Variants in CELSR1 observed in about 807,000 individuals in gnomAD.
The protein encoded by CELSR1 is cadherin EGF LAG seven-pass G-type receptor 1.
Under a neutral mutation model 249.1 loss-of-function variants are expected in CELSR1, and 110 were observed. That is an observed-to-expected ratio of 0.44 (90% CI 0.38 to 0.52). The LOEUF is 0.52. CELSR1 is among the 20% of genes least tolerant of loss of function. The pLI, the probability that CELSR1 is intolerant of heterozygous loss-of-function variation, is 0.00. For missense variants in CELSR1, 4,109 were observed against 4,296.4 expected (o/e 0.96, Z 1.22); for synonymous variants, 2,113 against 1,900.0 (o/e 1.11, Z -2.92).
chr22:46,417,038 T>C lies in CELSR1; in HGVS notation c.4612-5279A>G, dbSNP rs913877958. 3.3e-5 allele frequency among the ~76,000 whole-genome samples: 5 copies of C among 152,116 alleles called. No individual in the cohort carries two copies. The highest frequency in any genetic ancestry group is 4.8e-5 in the African/African-American group (2 of 41,406). On this transcript the variant is annotated intron_variant, in intron 5 of 34. Transcript: ENST00000674500. The surrounding 1 kb of genome is among the most constrained non-coding windows in gnomAD (Gnocchi z 4.1). ...ATTCATGCTCTGTGTCAGAAATGAT[T>C]AACCAACGTTCATATCAAAGAATTC...
chr22:46,366,592 C>A, intron 29 of CELSR1, 112 bp from the exon 30 acceptor site: 1 of 856,772 alleles, frequency 1.2e-6, no homozygotes, highest in Non-Finnish European at 1.9e-6. Flanking sequence ...CTGGCTGGGC[C>A]CCTGCCTGGC....
Position 46,393,832 on chromosome 22 carries a change from G to A in CELSR1, c.5964+310C>T, listed in dbSNP as rs2079120244. ...ATGAGCCAGCCCTCAGAAACGGGTG[G>A]GCTTCCCACAGCCATGGGCAGTAGG... On this transcript the variant is annotated intron_variant, in intron 14 of 34. Transcript: ENST00000674500. The surrounding 1 kb of genome is among the most constrained non-coding windows in gnomAD (Gnocchi z 4.1). 6.6e-6 allele frequency among the ~76,000 whole-genome samples: 1 copy of A among 152,242 alleles called. No individual in the cohort carries two copies. Among genetic ancestry groups the A allele is most frequent in the South Asian group, 2.1e-4 (1 of 4,836 alleles).
rs751099927 is a variant in CELSR1 at position 46,533,662 on chromosome 22, C to T, written c.3509G>A (p.Arg1170Gln). Residue 1170 changes from arginine (R) to glutamine (Q), a missense_variant, in exon 1 of 35, where the codon CGG becomes CAG. Physicochemically the swap from Arg to Gln is conservative, Grantham distance 43. Transcript: ENST00000674500. ...LQLSRDLDNNRPLEALMEVSV... is the reference protein window; with the variant it reads ...LQLSRDLDNNQPLEALMEVSV... ...CACCTCCATGAGCGCCTCCAGCGGC[C>T]GGTTGTTGTCCAGGTCGCGGCTGAG... The T allele has an allele frequency of 3.8e-6, 6 of 1,598,724 alleles. No individual in the cohort carries two copies. Among genetic ancestry groups the T allele is most frequent in the South Asian group, 1.1e-5 (1 of 89,854 alleles).
At chr22:46,435,123 A>G (rs1569160205) in intron 4 of CELSR1, among the ~76,000 whole-genome samples, 1 of 151,658 alleles carries the variant, frequency 6.6e-6, no homozygotes. Context: ...TTGTCGATAT[A>G]TTTTTTTTAA....
intron 1 of CELSR1, among the ~76,000 whole-genome samples, chr22:46,515,244 G>T (rs1383898770): frequency 6.6e-6 from 1 of 152,200 alleles, no homozygotes; most frequent in African/African-American, 2.4e-5. Flanking sequence ...CCAGCCCACA[G>T]CCAGGCAAGT....
chr22:46,468,782 A>T lies in CELSR1; in HGVS notation c.3545-4437T>A, dbSNP rs2080124449. Among the ~76,000 whole-genome samples, 2 of 152,282 alleles carry T rather than the reference A, an allele frequency of 1.3e-5. No homozygotes were observed. The highest frequency in any genetic ancestry group is 3.4e-3 in the Middle Eastern group (1 of 294). On this transcript the variant is annotated intron_variant, in intron 1 of 34. Transcript: ENST00000674500. The surrounding 1 kb of genome is among the most constrained non-coding windows in gnomAD (Gnocchi z 4.5). ...TATGTGTATTTTACCACAATTACAA[A>T]TTTTTTTAATAGGCCAGTCTCAGTG...
chr22:46,459,238 AG>A (rs1360511055), intron 2 of CELSR1, among the ~76,000 whole-genome samples: 1 of 151,994 alleles, frequency 6.6e-6, no homozygotes, highest in East Asian at 1.9e-4. Context: ...AATTAGGGAG[AG>A]CAGACACCAA....
In CELSR1 at chr22:46,390,372, C is replaced by T. The variant is rs756472118; in HGVS notation, c.6345+20G>A. ...CACACACGTGCCCCTGCTGAACACA[C>T]ATCCCCGAGGCGCCCCTACCATGGC... On this transcript the variant is annotated intron_variant, in intron 17 of 34. Coordinates refer to ENST00000674500, the MANE Select transcript of CELSR1 (RefSeq NM_001378328.1). This position sits in a 1 kb window ranked among gnomAD's most constrained non-coding sequence, Gnocchi z 6.3. The T allele has an allele frequency of 5.0e-6, 8 of 1,594,490 alleles. No homozygotes were observed. The highest frequency in any genetic ancestry group is 4.0e-5 in the African/African-American group (3 of 74,188).
intron 4 of CELSR1, among the ~76,000 whole-genome samples, chr22:46,435,279 A>AT (rs887443508): frequency 0.04 from 4,379 of 108,318 alleles, 131 homozygotes; most frequent in African/African-American, 0.077. Flanking sequence ...AAAAAAAAAA[A>AT]TTTTTTTTTT....
Position 46,363,360 on chromosome 22 carries a change from G to A in CELSR1, c.9036-113C>T, listed in dbSNP as rs1054622593. 5.9e-6 allele frequency: 5 copies of A among 847,068 alleles called. No individual in the cohort carries two copies. The highest frequency in any genetic ancestry group is 9.2e-6 in the Non-Finnish European group (5 of 543,028). The allele number at this position is 847,068 out of a possible 1,614,324, so 52.5% of individuals were successfully genotyped here. ...GGATCACCCCATCAGGGTAGAGGGG[G>A]CGTCTGGGGGCTCCAGGGAGGGCAA... On this transcript the variant is annotated intron_variant, in intron 34 of 34. Coordinates refer to ENST00000674500, the MANE Select transcript of CELSR1 (RefSeq NM_001378328.1). The surrounding 1 kb of genome is among the most constrained non-coding windows in gnomAD (Gnocchi z 4.3).
intron 20 of CELSR1, among the ~76,000 whole-genome samples, chr22:46,383,084 G>A (rs1457115626): frequency 6.6e-6 from 1 of 152,168 alleles, no homozygotes; most frequent in Non-Finnish European, 1.5e-5. Context: ...GGATCCCCCA[G>A]GAATGGCTTG....
Position 46,448,479 on chromosome 22 carries a change from G to C in CELSR1, c.4184-9068C>G, listed in dbSNP as rs1434072935. 2.6e-6 allele frequency: 1 copy of C among 378,506 alleles called. No homozygotes were observed. Among genetic ancestry groups the C allele is most frequent in the Non-Finnish European group, 5.2e-6 (1 of 192,788 alleles). The allele number at this position is 378,506 out of a possible 1,614,324, so 23.4% of individuals were successfully genotyped here. On this transcript the variant is annotated intron_variant, in intron 2 of 34. Transcript: ENST00000674500. This position sits in a 1 kb window ranked among gnomAD's most constrained non-coding sequence, Gnocchi z 5.7. ...GGAGGGCTGGGAACGCGCTGGGAAC[G>C]TGCCCCAGGAGGGGAAGGGCGTGTA...
At chr22:46,369,885 G>C (rs773597371) in intron 25 of CELSR1, 81 bp from the exon 26 acceptor site, 2 of 1,173,874 alleles carry the variant, frequency 1.7e-6, no homozygotes, top group East Asian at 4.7e-5. Flanking sequence ...CCAGGGTGGG[G>C]TGAAATGGGG....
chr22:46,463,812 A>T lies in CELSR1; in HGVS notation c.4078T>A (p.Cys1360Ser). Residue 1360 changes from cysteine (C) to serine (S), a missense_variant, in exon 2 of 35, where the codon TGC becomes AGC. By Grantham distance (112) the Cys-to-Ser change is moderately radical. Transcript: ENST00000674500. ...RCPPGFTGDYCETEIDLCYSD... is the reference protein window; with the variant it reads ...RCPPGFTGDYSETEIDLCYSD... ...TAGCAGAGGTCGATCTCCGTCTCGCAGTAGTCGCCGGTGAAGCCGGGCGGG... is the reference window on the plus strand; with the variant it reads ...TAGCAGAGGTCGATCTCCGTCTCGCTGTAGTCGCCGGTGAAGCCGGGCGGG... The T allele has an allele frequency of 6.2e-7, 1 of 1,610,456 alleles. No individual in the cohort carries two copies. Among genetic ancestry groups the T allele is most frequent in the Non-Finnish European group, 8.5e-7 (1 of 1,178,328 alleles).
At chr22:46,524,711 G>A (rs1179221504) in intron 1 of CELSR1, among the ~76,000 whole-genome samples, 1 of 152,140 alleles carries the variant, frequency 6.6e-6, no homozygotes, top group Non-Finnish European at 1.5e-5. Context: ...CGCCCAAAAG[G>A]GGGACCTGAT....
At chr22:46,420,608 A>G (rs1310359838) in intron 5 of CELSR1, among the ~76,000 whole-genome samples, 1 of 151,024 alleles carries the variant, frequency 6.6e-6, no homozygotes, top group Non-Finnish European at 1.5e-5. Flanking sequence ...TGCTTGCACA[A>G]TATACTCACC....
rs1244057594 is a variant in CELSR1 at position 46,412,295 on chromosome 22, C to T, written c.4612-536G>A. On this transcript the variant is annotated intron_variant, in intron 5 of 34. Coordinates refer to ENST00000674500, the MANE Select transcript of CELSR1 (RefSeq NM_001378328.1). The surrounding 1 kb of genome is among the most constrained non-coding windows in gnomAD (Gnocchi z 4.5). ...AGAATCATGTCTGTTGTTTGAGCCA[C>T]CCTGTCCGTGGTACTTTGTGATGGT... Among the ~76,000 whole-genome samples the T allele has an allele frequency of 6.6e-6, 1 of 152,198 alleles. No individual in the cohort carries two copies. Among genetic ancestry groups the T allele is most frequent in the Admixed American group, 6.5e-5 (1 of 15,286 alleles).
rs2080870669 is a variant in CELSR1 at position 46,537,389 on chromosome 22, A to T, written c.-219T>A. Among the ~76,000 whole-genome samples, 1 of 146,848 alleles carries T rather than the reference A, an allele frequency of 6.8e-6. No individual in the cohort carries two copies. On this transcript the variant is annotated 5_prime_UTR_variant, in exon 1 of 35. Coordinates refer to ENST00000674500, the MANE Select transcript of CELSR1 (RefSeq NM_001378328.1). The surrounding 1 kb of genome is among the most constrained non-coding windows in gnomAD (Gnocchi z 5.8). ...CGAGAGCACTTTGCGAAAGTTTGCG[A>T]AGTTGGTTTCAAGATGGCTCCTCCG... is the stretch of plus-strand genomic sequence containing the variant.
chr22:46,508,965 G>A (rs749211373), intron 1 of CELSR1, among the ~76,000 whole-genome samples: 6 of 152,132 alleles, frequency 3.9e-5, no homozygotes, highest in South Asian at 2.1e-4. Flanking sequence ...GGATAGCCAC[G>A]ACCCTCACCT....
Sources: allele counts gnomAD v4.1 joint callset (sites outside exome capture counted in the v4.1 genomes callset), GRCh38; gene constraint gnomAD v4.1.1; non-coding constraint Gnocchi (gnomAD v3.1); transcripts MANE v1.5; gene names NCBI Gene and HGNC (gene_info 2026-07-23, HGNC 2026-07-21).